EXOC4: variants seen among roughly 807,000 people sequenced by gnomAD.
EXOC4 encodes the protein exocyst complex component 4.
A neutral mutation model predicts 107.2 loss-of-function variants in EXOC4; 71 were observed. That is an observed-to-expected ratio of 0.66 (90% CI 0.55 to 0.81). EXOC4 has a LOEUF of 0.81. EXOC4 is among the 30% of genes least tolerant of loss of function. The pLI, the probability that EXOC4 is intolerant of heterozygous loss-of-function variation, is 0.00. For missense variants in EXOC4, 1,108 were observed against 1,189.6 expected (o/e 0.93, Z 1.01); for synonymous variants, 456 against 441.2 (o/e 1.03, Z -0.42).
chr7:134,078,333 A>G, the EXOC4 span, among the ~76,000 whole-genome samples: 1 of 151,230 alleles, frequency 6.6e-6, no homozygotes. Flanking sequence ...ATAATATTAT[A>G]TCTATAATAT....
At chr7:133,355,679 T>G (rs2150656247) in intron 5 of EXOC4, among the ~76,000 whole-genome samples, 1 of 152,204 alleles carries the variant, frequency 6.6e-6, no homozygotes, top group African/African-American at 2.4e-5. Context: ...CTCAGAAGCC[T>G]TTCATGGATT....
chr7:133,377,280 G>T (rs1371631370), intron 7 of EXOC4, among the ~76,000 whole-genome samples: 1 of 152,146 alleles, frequency 6.6e-6, no homozygotes, highest in Non-Finnish European at 1.5e-5. Flanking sequence ...CTTGAACCTA[G>T]GAGGTGGAGG....
intron 10 of EXOC4, among the ~76,000 whole-genome samples, chr7:133,710,656 T>C: frequency 8.1e-6 from 1 of 123,212 alleles, no homozygotes; most frequent in South Asian, 2.6e-4. Flanking sequence ...TGAGACTCTG[T>C]CTCAGAAAAA....
At chr7:133,964,423 C>CT (rs1801015513) in intron 14 of EXOC4, among the ~76,000 whole-genome samples, 1 of 152,044 alleles carries the variant, frequency 6.6e-6, no homozygotes, top group African/African-American at 2.4e-5. Flanking sequence ...TGGTTTGCTG[C>CT]ACCCATCAAC....
intron 5 of EXOC4, among the ~76,000 whole-genome samples, chr7:133,327,039 T>G (rs559112829): frequency 6.6e-6 from 1 of 152,340 alleles, no homozygotes; most frequent in Admixed American, 6.5e-5. Context: ...GGTGTGCCAT[T>G]TGCTAAGACT....
chr7:133,961,712 C>T (rs1189580716), intron 14 of EXOC4, among the ~76,000 whole-genome samples: 1 of 152,198 alleles, frequency 6.6e-6, no homozygotes, highest in Admixed American at 6.5e-5. Flanking sequence ...TTAATGCCTC[C>T]ATTTTTCTGA....
chr7:133,658,078 A>G (rs1803343983), intron 10 of EXOC4, among the ~76,000 whole-genome samples: 1 of 152,144 alleles, frequency 6.6e-6, no homozygotes, highest in Non-Finnish European at 1.5e-5. Flanking sequence ...AAAATAGGAG[A>G]TGTCTAAACT....
At chr7:134,084,226 T>C in the EXOC4 span, among the ~76,000 whole-genome samples, 1 of 152,224 alleles carries the variant, frequency 6.6e-6, no homozygotes, top group Non-Finnish European at 1.5e-5. Flanking sequence ...AGGCAGTTGC[T>C]TCTAAGCCAG....
intron 5 of EXOC4, among the ~76,000 whole-genome samples, chr7:133,334,965 C>G (rs1795478701): frequency 6.6e-6 from 1 of 152,142 alleles, no homozygotes; most frequent in Non-Finnish European, 1.5e-5. Flanking sequence ...TTTATCTGGT[C>G]TGTCATCGTT....
chr7:133,577,153 G>A (rs556735181), intron 9 of EXOC4, among the ~76,000 whole-genome samples: 2 of 152,008 alleles, frequency 1.3e-5, no homozygotes, highest in Admixed American at 6.6e-5. Flanking sequence ...TTAAATTTTG[G>A]GTAATATTGT....
At chr7:133,491,492 T>C (rs982665744) in intron 9 of EXOC4, among the ~76,000 whole-genome samples, 3 of 152,212 alleles carry the variant, frequency 2.0e-5, no homozygotes, top group South Asian at 2.1e-4. Flanking sequence ...TCCTAGCTTT[T>C]CTAGGCAAGG....
chr7:134,071,288 C>G (rs778721760), downstream of EXOC4, among the ~76,000 whole-genome samples: 1 of 152,268 alleles, frequency 6.6e-6, no homozygotes, highest in South Asian at 2.1e-4. Flanking sequence ...GAACCGTAGC[C>G]AAATCCAAAG....
chr7:133,813,339 T>TAAATATTTTG (rs1458158139), intron 10 of EXOC4, among the ~76,000 whole-genome samples: 2 of 152,218 alleles, frequency 1.3e-5, no homozygotes, highest in East Asian at 3.8e-4. Flanking sequence ...TGATAAATGT[T>TAAATATTTTG]AAATATTTTG....
intron 1 of EXOC4, among the ~76,000 whole-genome samples, chr7:133,267,237 G>T (rs1357454344): frequency 2.0e-5 from 3 of 152,170 alleles, no homozygotes; most frequent in Non-Finnish European, 4.4e-5. Flanking sequence ...TTGGCTGGGT[G>T]CTCTTCCCCG....
At chr7:133,937,819 C>G (rs1800338537) in intron 13 of EXOC4, 72 bp from the exon 14 acceptor site, 1 of 1,487,270 alleles carries the variant, frequency 6.7e-7, no homozygotes, top group Non-Finnish European at 9.3e-7. Context: ...CTAGGTGTGC[C>G]TAAAACAGTG....
intron 9 of EXOC4, among the ~76,000 whole-genome samples, chr7:133,489,041 A>G (rs1027042518): frequency 2.0e-5 from 3 of 149,484 alleles, no homozygotes; most frequent in African/African-American, 7.3e-5. Context: ...TTTAATATAT[A>G]TAAAATCTAA....
chr7:133,334,916 G>A (rs1795477390), intron 5 of EXOC4, among the ~76,000 whole-genome samples: 1 of 152,058 alleles, frequency 6.6e-6, no homozygotes, highest in African/African-American at 2.4e-5. Context: ...GTTCTTTTTC[G>A]GTGATGTAGT....
intron 10 of EXOC4, among the ~76,000 whole-genome samples, chr7:133,737,934 C>CTTTGTT (rs1795483115): frequency 3.7e-5 from 1 of 26,830 alleles, no homozygotes; most frequent in African/African-American, 9.9e-5. Flanking sequence ...TTTTTTGAGA[C>CTTTGTT]GGGGTCTTGC....
At chr7:133,753,557 C>T (rs1795837295) in intron 10 of EXOC4, among the ~76,000 whole-genome samples, 1 of 152,208 alleles carries the variant, frequency 6.6e-6, no homozygotes, top group South Asian at 2.1e-4. Flanking sequence ...TTAAATCGCC[C>T]TACCAGGGGA....
Sources: gnomAD v4.1 joint callset for allele counts (sites outside exome capture counted in the v4.1 genomes callset) on GRCh38, gnomAD v4.1.1 for gene constraint, MANE v1.5 for transcripts, NCBI Gene and HGNC (gene_info 2026-07-23, HGNC 2026-07-21) for gene names.